Variants in TRIM2 observed in about 807,000 individuals in gnomAD.
TRIM2 encodes the protein tripartite motif-containing protein 2.
Under a neutral mutation model 75.2 loss-of-function variants are expected in TRIM2, and 20 were observed. That is an observed-to-expected ratio of 0.27 (90% CI 0.19 to 0.39). The LOEUF is 0.39. Ranked by LOEUF, TRIM2 falls within the 10% of genes least tolerant of loss-of-function variation. The probability of loss-of-function intolerance (pLI) is 1.00; values close to 1 mark genes in which losing one functional copy is unlikely to be tolerated. For missense variants in TRIM2, 660 were observed against 990.8 expected, an observed-to-expected ratio of 0.67 and a Z score of 4.48; for synonymous variants, 373 against 388.3, an observed-to-expected ratio of 0.96 and a Z score of 0.46.
chr4:153,322,420 T>A (rs1769208732), intron 8 of TRIM2, among the ~76,000 whole-genome samples: 1 of 151,690 alleles, frequency 6.6e-6, no homozygotes, highest in Non-Finnish European at 1.5e-5. Flanking sequence ...CAAAAATAAA[T>A]AAATAAATAA....
At chr4:153,185,604 A>G (rs1732519664) in intron 1 of TRIM2, among the ~76,000 whole-genome samples, 1 of 152,082 alleles carries the variant, frequency 6.6e-6, no homozygotes, top group African/African-American at 2.4e-5. Context: ...GAAAAGAGCC[A>G]GGTCTCACTG....
chr4:153,195,135 G>A (rs1294997028), intron 1 of TRIM2, among the ~76,000 whole-genome samples: 1 of 152,212 alleles, frequency 6.6e-6, no homozygotes, highest in Non-Finnish European at 1.5e-5. Flanking sequence ...TTGTCCTCAT[G>A]AGAGATAGAA....
chr4:153,315,981 C>T lies in TRIM2; in HGVS notation c.1764C>T (p.Ser588=), dbSNP rs1767499563. 6.4e-7 allele frequency: 1 copy of T among 1,572,888 alleles called. No individual in the cohort carries two copies. The highest frequency in any genetic ancestry group is 8.6e-7 in the Non-Finnish European group (1 of 1,160,986). The change falls in exon 8 of 12, where the codon TCC becomes TCT. Residue 588 remains serine (S), a synonymous_variant. Transcript: ENST00000338700. ...ATAATAAATGGGTCAGCATTTTCTC[C>T]TCCGATGGGAAATTTAAGGTAAGAT... ...DYDNKWVSIF[S]SDGKFKTKIG...
intron 1 of TRIM2, among the ~76,000 whole-genome samples, chr4:153,249,720 A>T (rs1054930182): frequency 6.6e-6 from 1 of 152,216 alleles, no homozygotes; most frequent in Non-Finnish European, 1.5e-5. Flanking sequence ...AGTCAAAACC[A>T]CTGCATTAAT....
At chr4:153,315,443 C>T (rs1337699386) in intron 6 of TRIM2, 42 bp from the exon 7 acceptor site, 2 of 1,469,628 alleles carry the variant, frequency 1.4e-6, no homozygotes, top group Non-Finnish European at 1.9e-6. Context: ...AGAAATCTAA[C>T]CCTTTAGTGC....
chr4:153,330,656 A>G (rs556420906), intron 11 of TRIM2, among the ~76,000 whole-genome samples: 4 of 152,358 alleles, frequency 2.6e-5, no homozygotes, highest in South Asian at 2.1e-4. Context: ...CTGAAAAATC[A>G]TTTGACAAAA....
chr4:153,276,059 T>G lies in TRIM2; in HGVS notation c.382T>G (p.Ser128Ala). 1 of 1,613,886 alleles carries G rather than the reference T, an allele frequency of 6.2e-7. No individual in the cohort carries two copies. Among genetic ancestry groups the G allele is most frequent in the Non-Finnish European group, 8.5e-7 (1 of 1,179,976 alleles). The part of the protein sequence containing the change: ...QRTPGSNAEE[S>A]SILETVTAVA... ...AACTCCAGGCAGCAACGCTGAGGAG[T>G]CTTCCATCCTGGAGACAGTCACTGC... is the stretch of plus-strand genomic sequence containing the variant. Residue 128 changes from serine (S) to alanine (A), a missense_variant, in exon 3 of 12, where the codon TCT becomes GCT. Coordinates refer to ENST00000338700, the MANE Select transcript of TRIM2 (RefSeq NM_015271.5).
chr4:153,323,702 G>A (rs1046623808), intron 9 of TRIM2, among the ~76,000 whole-genome samples: 7 of 152,128 alleles, frequency 4.6e-5, no homozygotes, highest in South Asian at 2.1e-4. Context: ...GAGTTGCCAC[G>A]TCTTTCCTTG....
intron 1 of TRIM2, chr4:153,257,391 C>T (rs954177903): frequency 4.4e-6 from 5 of 1,137,136 alleles, no homozygotes; most frequent in African/African-American, 1.6e-5. Context: ...TTTCAACAGA[C>T]GCTCAGTGAG....
chr4:153,311,401 A>G (rs1318075007), intron 6 of TRIM2, among the ~76,000 whole-genome samples: 1 of 151,052 alleles, frequency 6.6e-6, no homozygotes, highest in Non-Finnish European at 1.5e-5. Context: ...TCTTCTGAAT[A>G]GAATAGGCAT....
At chr4:153,255,208 A>G (rs1285007312) in intron 1 of TRIM2, among the ~76,000 whole-genome samples, 1 of 152,122 alleles carries the variant, frequency 6.6e-6, no homozygotes, top group African/African-American at 2.4e-5. Flanking sequence ...CTCATTGCCT[A>G]CTCAGTGCTT....
chr4:153,157,865 C>A (rs1157534173), intron 1 of TRIM2, among the ~76,000 whole-genome samples: 1 of 152,230 alleles, frequency 6.6e-6, no homozygotes, highest in African/African-American at 2.4e-5. Flanking sequence ...TGAGACCAAC[C>A]TTGGGGATCA....
chr4:153,211,344 T>C (rs2149711226), intron 1 of TRIM2, among the ~76,000 whole-genome samples: 1 of 152,278 alleles, frequency 6.6e-6, no homozygotes, highest in Middle Eastern at 3.4e-3. Flanking sequence ...CTTCCAGGCT[T>C]CCAAGGCTGG....
intron 1 of TRIM2, among the ~76,000 whole-genome samples, chr4:153,252,842 T>A (rs1348509046): frequency 6.6e-6 from 1 of 152,226 alleles, no homozygotes. Flanking sequence ...AACTACCAGA[T>A]ATGAAGAATT....
chr4:153,240,919 A>T (rs1746388229), intron 1 of TRIM2, among the ~76,000 whole-genome samples: 1 of 152,180 alleles, frequency 6.6e-6, no homozygotes. Context: ...TCTACTAAAA[A>T]TACAAAAATT....
intron 6 of TRIM2, among the ~76,000 whole-genome samples, chr4:153,300,178 G>A (rs1763574629): frequency 6.6e-6 from 1 of 152,120 alleles, no homozygotes; most frequent in Non-Finnish European, 1.5e-5. Context: ...TTTCCATAAT[G>A]GCTGTACTAA....
chr4:153,158,029 C>T (rs1050156941), intron 1 of TRIM2, among the ~76,000 whole-genome samples: 1 of 152,210 alleles, frequency 6.6e-6, no homozygotes, highest in East Asian at 1.9e-4. Context: ...AGGGTTTACA[C>T]AGTCAGTTTG....
chr4:153,224,388 G>A, intron 1 of TRIM2, among the ~76,000 whole-genome samples: 2 of 152,250 alleles, frequency 1.3e-5, no homozygotes, highest in Middle Eastern at 6.8e-3. Context: ...CTAATGAAAA[G>A]TCTTCTAGGT....
rs1772600788 is a variant in TRIM2 at position 153,337,597 on chromosome 4, A to T, written c.*2631A>T. On this transcript the variant is annotated 3_prime_UTR_variant, in exon 12 of 12. Transcript: ENST00000338700. Reference sequence around the variant, plus strand: ...ATGTGCATTTACTGTATTTCTTGGTAAGCATATTTTTGGGGGAAAGTGCTG... The same window carrying T: ...ATGTGCATTTACTGTATTTCTTGGTTAGCATATTTTTGGGGGAAAGTGCTG... 2.0e-6 allele frequency: 2 copies of T among 985,726 alleles called. No homozygotes were observed. The highest frequency in any genetic ancestry group is 2.4e-6 in the Non-Finnish European group (2 of 829,944). The allele number at this position is 985,726 out of a possible 1,614,324, so 61.1% of individuals were successfully genotyped here.
Sources: gnomAD v4.1 joint callset for allele counts (sites outside exome capture counted in the v4.1 genomes callset) on GRCh38, gnomAD v4.1.1 for gene constraint, MANE v1.5 for transcripts, NCBI Gene and HGNC (gene_info 2026-07-23, HGNC 2026-07-21) for gene names.